CSMD1: variants seen among roughly 807,000 people sequenced by gnomAD.
CSMD1 encodes CUB and sushi domain-containing protein 1.
A neutral mutation model predicts 417.5 loss-of-function variants in CSMD1; 213 were observed. The observed-to-expected ratio is 0.51, with a 90% CI of 0.46 to 0.57. The LOEUF (loss-of-function observed/expected upper bound fraction) is 0.57. Among genes scored for constraint, CSMD1 ranks in the 20% least tolerant of loss-of-function variants. CSMD1 has a pLI of 0.00. For synonymous variants in CSMD1, 2,862 were observed against 1,736.8 expected, an observed-to-expected ratio of 1.65 and a Z score of -16.11; for missense variants, 6,923 against 4,529.7, an observed-to-expected ratio of 1.53 and a Z score of -15.17.
chr8:4,943,815 T>A (rs1354906499), intron 1 of CSMD1, among the ~76,000 whole-genome samples: 2 of 152,176 alleles, frequency 1.3e-5, no homozygotes, highest in Non-Finnish European at 2.9e-5. Flanking sequence ...AACGAAGATT[T>A]GACAGCATCA....
intron 36 of CSMD1, among the ~76,000 whole-genome samples, chr8:3,184,792 G>C (rs1003380938): frequency 6.6e-6 from 1 of 152,174 alleles, no homozygotes; most frequent in Admixed American, 6.5e-5. Flanking sequence ...TCAGACTTTT[G>C]AGTCCTTGAC....
In CSMD1 at chr8:3,430,702, G is replaced by T. The variant is rs564569830; in HGVS notation, c.1562-21097C>A. ...GGTGCCTGTAATCCCAGCTACTCAG[G>T]AGGCTGAGGCAAGAGGATCACCTGA... On this transcript the variant is annotated intron_variant, in intron 12 of 69. Transcript: ENST00000635120. Among the ~76,000 whole-genome samples, 59 of 152,230 alleles carry T rather than the reference G, an allele frequency of 3.9e-4. No homozygotes were observed. The Middle Eastern group carries it at 0.01, about 26-fold the overall frequency.
intron 1 of CSMD1, among the ~76,000 whole-genome samples, chr8:4,732,382 T>TGTGG (rs1563244601): frequency 8.5e-6 from 1 of 117,682 alleles, no homozygotes; most frequent in Non-Finnish European, 1.8e-5. Context: ...TGTGTGTGTG[T>TGTGG]AGTGTTTTTC....
chr8:4,257,497 A>G (rs1041902482), intron 3 of CSMD1, among the ~76,000 whole-genome samples: 3 of 152,116 alleles, frequency 2.0e-5, no homozygotes, highest in East Asian at 1.9e-4. Context: ...ATTAATTTTC[A>G]TATTTCCTAG....
At chr8:4,258,193 G>C (rs1164375153) in intron 3 of CSMD1, among the ~76,000 whole-genome samples, 1 of 149,550 alleles carries the variant, frequency 6.7e-6, no homozygotes, top group African/African-American at 2.5e-5. Context: ...AATCTTCCTG[G>C]CTTGGCCTTC....
intron 12 of CSMD1, among the ~76,000 whole-genome samples, chr8:3,450,430 T>G (rs955823202): frequency 1.3e-5 from 2 of 152,088 alleles, no homozygotes; most frequent in African/African-American, 4.8e-5. Flanking sequence ...CATTTAGCAT[T>G]AGGTATATCT....
chr8:3,798,347 A>T (rs934604350), intron 5 of CSMD1, among the ~76,000 whole-genome samples: 2 of 152,156 alleles, frequency 1.3e-5, no homozygotes, highest in African/African-American at 4.8e-5. Context: ...TGATGGCAGT[A>T]AGTCACTCTC....
chr8:4,175,796 G>T (rs1231653662), intron 3 of CSMD1, among the ~76,000 whole-genome samples: 1 of 152,146 alleles, frequency 6.6e-6, no homozygotes, highest in Non-Finnish European at 1.5e-5. Flanking sequence ...TGATGATCAT[G>T]GCAATACAAC....
At chr8:3,264,986 AC>A (rs1801330463) in intron 26 of CSMD1, among the ~76,000 whole-genome samples, 1 of 152,126 alleles carries the variant, frequency 6.6e-6, no homozygotes, top group Non-Finnish European at 1.5e-5. Flanking sequence ...CAGGGTCTGC[AC>A]CCCAGCTGTA....
chr8:4,479,413 T>TAAGTA (rs1800970685), intron 2 of CSMD1, among the ~76,000 whole-genome samples: 2 of 147,000 alleles, frequency 1.4e-5, no homozygotes. Flanking sequence ...CTTCAGTAAT[T>TAAGTA]AAGAAACCAG....
At chr8:3,618,104 C>G (rs971580773) in intron 7 of CSMD1, among the ~76,000 whole-genome samples, 1 of 151,998 alleles carries the variant, frequency 6.6e-6, no homozygotes, top group Non-Finnish European at 1.5e-5. Flanking sequence ...CAGGATCAAG[C>G]GATACTCCCG....
chr8:3,998,840 A>G (rs1815432172), intron 4 of CSMD1, among the ~76,000 whole-genome samples: 1 of 150,936 alleles, frequency 6.6e-6, no homozygotes, highest in Middle Eastern at 3.6e-3. Context: ...ATCTATTACA[A>G]AATATTATAT....
intron 3 of CSMD1, among the ~76,000 whole-genome samples, chr8:4,313,492 C>G (rs1798745207): frequency 8.3e-6 from 1 of 120,568 alleles, no homozygotes. Context: ...TCCCAAAGGT[C>G]TTACATGTCA....
chr8:4,431,603 A>G (rs1797876069), intron 2 of CSMD1, among the ~76,000 whole-genome samples: 1 of 152,166 alleles, frequency 6.6e-6, no homozygotes, highest in Non-Finnish European at 1.5e-5. Context: ...CTTTGTGGCA[A>G]AAACCAAAAC....
At chr8:4,030,725 A>T (rs1797299309) in intron 4 of CSMD1, among the ~76,000 whole-genome samples, 1 of 152,174 alleles carries the variant, frequency 6.6e-6, no homozygotes, top group Non-Finnish European at 1.5e-5. Context: ...TCTCCTTGGA[A>T]AATGGGATTT....
At chr8:4,842,618 G>A (rs1446181750) in intron 1 of CSMD1, among the ~76,000 whole-genome samples, 1 of 152,210 alleles carries the variant, frequency 6.6e-6, no homozygotes, top group Non-Finnish European at 1.5e-5. Context: ...GGGTGCCTAT[G>A]TGCAAAACCA....
intron 3 of CSMD1, among the ~76,000 whole-genome samples, chr8:4,101,033 C>A (rs144982756): frequency 2.0e-5 from 3 of 152,134 alleles, no homozygotes; most frequent in Non-Finnish European, 4.4e-5. Context: ...CCTGTGATTG[C>A]AGAATGATGC....
At chr8:4,329,032 G>A (rs17069952) in intron 3 of CSMD1, among the ~76,000 whole-genome samples, 3,940 of 152,100 alleles carry the variant, frequency 0.026, 149 homozygotes, top group African/African-American at 0.081. Flanking sequence ...ATCTTCCTTT[G>A]TAAGTCAAGC....
At chr8:4,802,400 C>CT (rs1563432647) in intron 1 of CSMD1, among the ~76,000 whole-genome samples, 7 of 151,626 alleles carry the variant, frequency 4.6e-5, no homozygotes, top group African/African-American at 1.7e-4. Context: ...GAAGCATCCC[C>CT]GTGGTTAACT....
Sources: gnomAD v4.1 joint callset for allele counts (sites outside exome capture counted in the v4.1 genomes callset) on GRCh38, gnomAD v4.1.1 for gene constraint, MANE v1.5 for transcripts, NCBI Gene and HGNC (gene_info 2026-07-23, HGNC 2026-07-21) for gene names.